Variants in ANK1 observed in about 807,000 individuals in gnomAD.
ANK1 encodes the protein ankyrin-1.
ANK1 carries 51 observed loss-of-function variants against 210.4 expected under a neutral mutation model. The observed-to-expected ratio is 0.24, with a 90% CI of 0.19 to 0.31. The LOEUF is 0.31. Among genes scored for constraint, ANK1 ranks in the 10% least tolerant of loss-of-function variants. ANK1 has a pLI of 1.00. For synonymous variants in ANK1, 967 were observed against 1,025.9 expected (o/e 0.94, Z 1.10); for missense variants, 2,051 against 2,504.4 (o/e 0.82, Z 3.86).
chr8:41,746,664 A>G (rs1836219376), intron 2 of ANK1, among the ~76,000 whole-genome samples: 3 of 152,196 alleles, frequency 2.0e-5, no homozygotes, highest in Admixed American at 1.3e-4. Context: ...TTGATTGTAC[A>G]GAACTCGCAG....
At chr8:41,806,587 T>C (rs1309382307) in intron 1 of ANK1, among the ~76,000 whole-genome samples, 1 of 152,152 alleles carries the variant, frequency 6.6e-6, no homozygotes, top group African/African-American at 2.4e-5. Flanking sequence ...TGATGGCACC[T>C]GTAATCCCAG....
Position 41,694,934 on chromosome 8 carries a change from GC to G in ANK1, c.3116-132del. On this transcript the variant is annotated intron_variant, in intron 27 of 42. Coordinates refer to ENST00000289734, the MANE Select transcript of ANK1 (RefSeq NM_000037.4). The surrounding 1 kb of genome is among the most constrained non-coding windows in gnomAD (Gnocchi z 5.7). ...TCCCCAGGTGCCGGGCGGCATAGTG[GC>G]CAGAAGAAGTGGCCAGAAGAAGTGC... The G allele has an allele frequency of 8.9e-7, 1 of 1,119,312 alleles. No homozygotes were observed. The highest frequency in any genetic ancestry group is 1.3e-6 in the Non-Finnish European group (1 of 757,022). The allele number at this position is 1,119,312 out of a possible 1,614,324, so 69.3% of individuals were successfully genotyped here.
At chr8:41,844,736 C>T (rs1424008575) in intron 1 of ANK1, among the ~76,000 whole-genome samples, 6 of 152,194 alleles carry the variant, frequency 3.9e-5, no homozygotes, top group Admixed American at 2.6e-4. Flanking sequence ...TTGTAAACTG[C>T]AAATCAGCTT....
chr8:41,736,870 C>T (rs905117177), intron 2 of ANK1, among the ~76,000 whole-genome samples: 1 of 152,170 alleles, frequency 6.6e-6, no homozygotes, highest in African/African-American at 2.4e-5. Flanking sequence ...CTTTCATCTG[C>T]AGCTGAGGAA....
intron 2 of ANK1, among the ~76,000 whole-genome samples, chr8:41,747,670 T>C (rs1157292841): frequency 6.6e-6 from 1 of 152,182 alleles, no homozygotes; most frequent in Admixed American, 6.5e-5. Flanking sequence ...CTAAGCACTA[T>C]GAAGATCATG....
rs757058346 is a variant in ANK1 at position 41,714,272 on chromosome 8, A to G, written c.1702-18T>C. 4.6e-6 allele frequency: 7 copies of G among 1,537,972 alleles called. No individual in the cohort carries two copies. The East Asian group carries it at 1.2e-4, about 26-fold the overall frequency. ...AGGCCATTCTGCAGGGGACAAAGAC[A>G]AAAGAGGCCGGCTGTCACTCCCACG... On this transcript the variant is annotated intron_variant, in intron 15 of 42. Coordinates refer to ENST00000289734, the MANE Select transcript of ANK1 (RefSeq NM_000037.4).
intron 1 of ANK1, among the ~76,000 whole-genome samples, chr8:41,855,142 T>A (rs1269272644): frequency 3.9e-5 from 6 of 152,196 alleles, no homozygotes; most frequent in African/African-American, 1.4e-4. Flanking sequence ...GCTAAGTAGC[T>A]GCCACTCAAG....
At chr8:41,721,656 CAAAAAAAAAAAAA>C (rs55653901) in intron 9 of ANK1, among the ~76,000 whole-genome samples, 2,805 of 108,140 alleles carry the variant, frequency 0.026, 54 homozygotes, top group Non-Finnish European at 0.032. Flanking sequence ...GACTTCATCT[CAAAAAAAAAAAAA>C]AAAAAAAAAA....
rs773245330 is a variant in ANK1, at chr8:41,696,566, A to T, written c.2757T>A (p.Val919=). The T allele has an allele frequency of 3.7e-6, 6 of 1,614,000 alleles. No homozygotes were observed. The highest frequency in any genetic ancestry group is 5.1e-6 in the Non-Finnish European group (6 of 1,180,028). ...VHTGFLVSFM[V]DARGGSMRGS... is the part of the protein sequence containing the mutation. ...CTCTCATGGAACCACCCCGGGCGTC[A>T]ACCATGAAGCTCACCAGAAACCTAG... Residue 919 remains valine, a synonymous_variant, in exon 26 of 43, where the codon GTT becomes GTA. Coordinates refer to ENST00000289734, the MANE Select transcript of ANK1 (RefSeq NM_000037.4).
intron 1 of ANK1, among the ~76,000 whole-genome samples, chr8:41,767,553 G>C (rs902175439): frequency 6.6e-6 from 1 of 152,284 alleles, no homozygotes; most frequent in Non-Finnish European, 1.5e-5. Context: ...CCAGCCTGCC[G>C]CTAATGGGAT....
chr8:41,732,535 C>T, intron 3 of ANK1, among the ~76,000 whole-genome samples: 1 of 152,010 alleles, frequency 6.6e-6, no homozygotes, highest in South Asian at 2.1e-4. Flanking sequence ...GCCTCAGCTT[C>T]CCGAGTAGCT....
chr8:41,727,843 G>T, intron 4 of ANK1, 65 bp downstream of exon 4: 1 of 1,499,122 alleles, frequency 6.7e-7, no homozygotes, highest in Non-Finnish European at 9.3e-7. Flanking sequence ...ACCCACGAGG[G>T]AGCAGCAAAG....
At chr8:41,751,820 A>G (rs1309104774) in intron 2 of ANK1, among the ~76,000 whole-genome samples, 1 of 152,110 alleles carries the variant, frequency 6.6e-6, no homozygotes, top group African/African-American at 2.4e-5. Context: ...AACCTCCATC[A>G]GCATAAGCAT....
At chr8:41,823,451 CAT>C (rs1804819856) in intron 1 of ANK1, among the ~76,000 whole-genome samples, 1 of 152,100 alleles carries the variant, frequency 6.6e-6, no homozygotes, top group Admixed American at 6.5e-5. Context: ...ATGTTGAAGA[CAT>C]ACAAAAATGA....
chr8:41,880,879 C>T (rs1817464726), intron 1 of ANK1, among the ~76,000 whole-genome samples: 1 of 152,250 alleles, frequency 6.6e-6, no homozygotes, highest in African/African-American at 2.4e-5. Context: ...TTATCGCAGG[C>T]TCTGCACTTT....
intron 15 of ANK1, among the ~76,000 whole-genome samples, 153 bp from the exon 16 acceptor site, chr8:41,714,407 C>A (rs1459083973): frequency 6.6e-6 from 1 of 152,156 alleles, no homozygotes; most frequent in African/African-American, 2.4e-5. Context: ...GACAGAATGT[C>A]ATCGGCAGGA....
At chr8:41,655,901 G>A (rs1334779631) in intron 42 of ANK1, 148 bp from the exon 43 acceptor site, 10 of 912,916 alleles carry the variant, frequency 1.1e-5, no homozygotes, top group African/African-American at 6.5e-5. Context: ...TGTGCTGAGG[G>A]TGCTGCACTT....
At chr8:41,686,913 G>T (rs1421438088) in intron 35 of ANK1, among the ~76,000 whole-genome samples, 1 of 152,196 alleles carries the variant, frequency 6.6e-6, no homozygotes, top group African/African-American at 2.4e-5. Context: ...CAAGGATGAA[G>T]AAGACTGGGG....
chr8:41,827,648 G>A (rs2111807), intron 1 of ANK1, among the ~76,000 whole-genome samples: 1 of 149,758 alleles, frequency 6.7e-6, no homozygotes, highest in African/African-American at 2.5e-5. Flanking sequence ...ACACACACTC[G>A]AATACCTACC....
Sources: gnomAD v4.1 joint callset for allele counts (sites outside exome capture counted in the v4.1 genomes callset) on GRCh38, gnomAD v4.1.1 for gene constraint, Gnocchi (gnomAD v3.1) non-coding constraint, MANE v1.5 for transcripts, NCBI Gene and HGNC (gene_info 2026-07-23, HGNC 2026-07-21) for gene names.